Variants in DPP6 observed in about 807,000 individuals in gnomAD.
DPP6 encodes A-type potassium channel modulatory protein DPP6.
In DPP6, 69 loss-of-function variants were observed where a neutral mutation model predicts 122.6. That is an observed-to-expected ratio of 0.56 (90% CI 0.46 to 0.69). DPP6 has a LOEUF of 0.69. Ranked by LOEUF, DPP6 falls within the 30% of genes least tolerant of loss-of-function variation. The pLI is 0.00. For synonymous variants in DPP6, 418 were observed against 433.1 expected (o/e 0.97, Z 0.43); for missense variants, 928 against 1,116.9 (o/e 0.83, Z 2.41).
At chr7:154,766,284 C>T (rs920281191) in intron 8 of DPP6, among the ~76,000 whole-genome samples, 5 of 152,116 alleles carry the variant, frequency 3.3e-5, no homozygotes, top group Admixed American at 1.3e-4. Context: ...TCCCTGAACC[C>T]GATGACCCAA....
intron 3 of DPP6, among the ~76,000 whole-genome samples, chr7:154,513,454 G>A (rs966316488): frequency 1.3e-5 from 2 of 152,138 alleles, no homozygotes; most frequent in South Asian, 4.1e-4. Context: ...ATTGGTGTGG[G>A]ACAAATGTTG....
In DPP6 at chr7:153,889,618, G is replaced by A. The variant is rs149786096; in HGVS notation, c.51+1884G>A. 1.3e-3 allele frequency among the ~76,000 whole-genome samples: 197 copies of A among 152,136 alleles called. 2 individuals carry two copies. Among genetic ancestry groups the A allele is most frequent in the African/African-American group, 4.2e-3 (173 of 41,490 alleles). Reference sequence around the variant, plus strand: ...TGCCCTCCCCCTAACCCCTCTCTGCGTTTTACTTCAGAAAATAAAGAATGA... The same window carrying A: ...TGCCCTCCCCCTAACCCCTCTCTGCATTTTACTTCAGAAAATAAAGAATGA... On this transcript the variant is annotated intron_variant, in intron 1 of 25. Coordinates refer to the DPP6 transcript ENST00000404039.
At chr7:153,949,392 G>T (rs1297257776) in intron 1 of DPP6, among the ~76,000 whole-genome samples, 1 of 152,140 alleles carries the variant, frequency 6.6e-6, no homozygotes, top group Non-Finnish European at 1.5e-5. Flanking sequence ...TCCAGTCTCG[G>T]AGATGCTTTT....
rs1287661820 is a variant in DPP6, at chr7:154,009,436, A to G, written c.51+121702A>G. 6.2e-4 allele frequency among the ~76,000 whole-genome samples: 85 copies of G among 137,132 alleles called. 1 individual carries two copies. The East Asian group carries it at 0.018, about 29-fold the overall frequency. The allele number at this position is 137,132 out of a possible 152,430, so 90.0% of individuals were successfully genotyped here. A position where few individuals can be genotyped will look rare whatever the true frequency, so the allele number is the denominator to read the frequency against. The stretch of plus-strand genomic sequence containing the variant: ...AAGATTGAGGTTGCAGGAGAATGCA[A>G]TTGAGAATGCAGCGGGTTTCCAGAC... On this transcript the variant is annotated intron_variant, in intron 1 of 25. Coordinates refer to the DPP6 transcript ENST00000404039.
chr7:154,283,426 C>T (rs945705955), intron 1 of DPP6, among the ~76,000 whole-genome samples: 1 of 152,136 alleles, frequency 6.6e-6, no homozygotes, highest in Non-Finnish European at 1.5e-5. Context: ...GAACACGGTA[C>T]TTGTTAGTAA....
chr7:153,769,351 A>G, the DPP6 span, among the ~76,000 whole-genome samples: 37 of 152,350 alleles, frequency 2.4e-4, no homozygotes, highest in Middle Eastern at 3.4e-3. Flanking sequence ...TAATTAATAC[A>G]TCTGTCACCT....
chr7:154,164,368 G>A (rs957882364), intron 1 of DPP6, among the ~76,000 whole-genome samples: 10 of 151,884 alleles, frequency 6.6e-5, no homozygotes, highest in Admixed American at 6.6e-4. Flanking sequence ...GCAAATGACT[G>A]TGCGATTATC....
At chr7:154,772,461 C>T (rs1311718115) in intron 9 of DPP6, among the ~76,000 whole-genome samples, 1 of 152,110 alleles carries the variant, frequency 6.6e-6, no homozygotes, top group Non-Finnish European at 1.5e-5. Flanking sequence ...TGAGCATGGC[C>T]ACCGCTCCTC....
chr7:154,091,801 C>T (rs1448818732), intron 1 of DPP6, among the ~76,000 whole-genome samples: 4 of 151,944 alleles, frequency 2.6e-5, no homozygotes, highest in Non-Finnish European at 1.5e-5. Flanking sequence ...GGGTCAGTAA[C>T]GCAAGGAGTT....
chr7:154,101,542 A>C (rs1330578063), intron 1 of DPP6, among the ~76,000 whole-genome samples: 1 of 151,920 alleles, frequency 6.6e-6, no homozygotes, highest in Non-Finnish European at 1.5e-5. Flanking sequence ...AAAAGGGGTG[A>C]TCAGCAATGT....
intron 5 of DPP6, among the ~76,000 whole-genome samples, chr7:154,627,492 C>T (rs1835161968): frequency 1.3e-5 from 2 of 152,238 alleles, no homozygotes; most frequent in Middle Eastern, 3.4e-3. Flanking sequence ...GCCACCACGC[C>T]CGGCCTTTTT....
intron 1 of DPP6, among the ~76,000 whole-genome samples, chr7:154,027,236 G>A (rs1244341751): frequency 6.6e-6 from 1 of 151,408 alleles, no homozygotes; most frequent in South Asian, 2.1e-4. Flanking sequence ...AAATAGAAAA[G>A]AATTTTTGAG....
chr7:153,973,648 T>A (rs1026187243), intron 1 of DPP6, among the ~76,000 whole-genome samples: 6 of 106,072 alleles, frequency 5.7e-5, no homozygotes, highest in Admixed American at 2.1e-4. Context: ...TGTGTGTGTG[T>A]GTGTGTGTGT....
At chr7:154,840,651 T>C (rs1801453134) in intron 16 of DPP6, among the ~76,000 whole-genome samples, 1 of 152,228 alleles carries the variant, frequency 6.6e-6, no homozygotes, top group Non-Finnish European at 1.5e-5. Flanking sequence ...TCCAGACTCA[T>C]ACGGAATATA....
At chr7:154,074,110 GAGAT>G (rs1231497120) in intron 1 of DPP6, among the ~76,000 whole-genome samples, 14 of 46,792 alleles carry the variant, frequency 3.0e-4, no homozygotes, top group African/African-American at 1.1e-3. Context: ...TAGAGATAGA[GAGAT>G]ATATATAGAT....
chr7:153,956,678 T>C (rs1205367277), intron 1 of DPP6, among the ~76,000 whole-genome samples: 2 of 152,168 alleles, frequency 1.3e-5, no homozygotes, highest in Non-Finnish European at 2.9e-5. Context: ...TTGCGAGTCT[T>C]TCTTACTTTC....
intron 1 of DPP6, among the ~76,000 whole-genome samples, chr7:154,417,197 C>G (rs938039145): frequency 2.6e-5 from 4 of 152,208 alleles, no homozygotes; most frequent in African/African-American, 9.6e-5. Flanking sequence ...CCACCAATTA[C>G]TTTCAAGACT....
At chr7:153,777,395 CAA>C in the DPP6 span, among the ~76,000 whole-genome samples, 1 of 141,694 alleles carries the variant, frequency 7.1e-6, no homozygotes, top group African/African-American at 2.7e-5. Flanking sequence ...GGTATTTACT[CAA>C]GAGAAATGAA....
chr7:154,353,293 C>G (rs1043970383), intron 1 of DPP6, among the ~76,000 whole-genome samples: 4 of 152,184 alleles, frequency 2.6e-5, no homozygotes, highest in Non-Finnish European at 4.4e-5. Flanking sequence ...TTTCTCGTAG[C>G]AAGAGTCTGG....
Sources: allele counts gnomAD v4.1 joint callset (sites outside exome capture counted in the v4.1 genomes callset), GRCh38; gene constraint gnomAD v4.1.1; transcripts MANE v1.5; gene names NCBI Gene and HGNC (gene_info 2026-07-23, HGNC 2026-07-21).